Variants in EBF1 observed in about 807,000 individuals in gnomAD.
The protein encoded by EBF1 is transcription factor COE1.
A neutral mutation model predicts 68.4 loss-of-function variants in EBF1; 10 were observed. That is an observed-to-expected ratio of 0.15 (90% CI 0.09 to 0.25). EBF1 has a LOEUF of 0.25. EBF1 is among the 10% of genes least tolerant of loss of function. EBF1 has a pLI of 1.00. For missense variants in EBF1, 509 were observed against 794.4 expected (o/e 0.64, Z 4.32); for synonymous variants, 298 against 299.8 (o/e 0.99, Z 0.06).
intron 6 of EBF1, among the ~76,000 whole-genome samples, chr5:158,997,811 T>G (rs1246882144): frequency 6.6e-6 from 1 of 152,162 alleles, no homozygotes; most frequent in Admixed American, 6.5e-5. Context: ...AGGCTCTCCC[T>G]CTACTCCTTA....
intron 6 of EBF1, among the ~76,000 whole-genome samples, chr5:159,070,700 C>T (rs961665957): frequency 1.9e-4 from 29 of 152,280 alleles, no homozygotes; most frequent in Non-Finnish European, 3.7e-4. Flanking sequence ...AAGTTGACTG[C>T]GTGTTAAAAC....
intron 6 of EBF1, among the ~76,000 whole-genome samples, chr5:159,016,526 G>T (rs1483150165): frequency 1.3e-5 from 2 of 152,180 alleles, no homozygotes; most frequent in Non-Finnish European, 2.9e-5. Context: ...TTAGGTGCTT[G>T]CTCTTTTTCA....
At chr5:158,763,448 A>T (rs1269939875) in intron 10 of EBF1, among the ~76,000 whole-genome samples, 1 of 152,172 alleles carries the variant, frequency 6.6e-6, no homozygotes, top group Non-Finnish European at 1.5e-5. Context: ...CTTCACCCAC[A>T]GTGAAAATGG....
chr5:158,952,934 T>C (rs544199915), intron 6 of EBF1, among the ~76,000 whole-genome samples: 40 of 152,212 alleles, frequency 2.6e-4, no homozygotes, highest in African/African-American at 9.4e-4. Context: ...TGCACCAAAG[T>C]ACCTTTTTTT....
At chr5:158,742,723 T>C (rs1384601534) in intron 10 of EBF1, among the ~76,000 whole-genome samples, 2 of 152,148 alleles carry the variant, frequency 1.3e-5, no homozygotes, top group Non-Finnish European at 2.9e-5. Context: ...ATCTCCTTTA[T>C]GCTAACTTGG....
At chr5:158,987,320 T>G (rs1026980952) in intron 6 of EBF1, 12 of 152,220 alleles carry the variant, frequency 7.9e-5, no homozygotes, top group African/African-American at 2.7e-4. Flanking sequence ...AAACCCCAGA[T>G]AAGTTGCACC....
chr5:158,826,490 T>C (rs1193377178), intron 7 of EBF1, among the ~76,000 whole-genome samples: 4 of 152,248 alleles, frequency 2.6e-5, no homozygotes, highest in African/African-American at 9.6e-5. Context: ...GGCACTGCTC[T>C]AGAATGGTTT....
intron 6 of EBF1, among the ~76,000 whole-genome samples, chr5:158,920,989 T>C (rs562753152): frequency 6.6e-6 from 1 of 152,234 alleles, no homozygotes; most frequent in African/African-American, 2.4e-5. Flanking sequence ...TGGGTACATA[T>C]CTTCATCTGT....
At chr5:158,952,030 A>T (rs760161042) in intron 6 of EBF1, among the ~76,000 whole-genome samples, 1 of 152,220 alleles carries the variant, frequency 6.6e-6, no homozygotes, top group Non-Finnish European at 1.5e-5. Flanking sequence ...CTGAAAGTCC[A>T]GGATGGCTTT....
Position 158,738,775 on chromosome 5 carries a change from G to A in EBF1, c.1037-7618C>T, listed in dbSNP as rs575513950. Among the ~76,000 whole-genome samples the A allele has an allele frequency of 1.6e-4, 25 of 152,284 alleles. No individual in the cohort carries two copies. The South Asian group carries it at 5.0e-3, about 30-fold the overall frequency. On this transcript the variant is annotated intron_variant, in intron 10 of 15. Transcript: ENST00000313708. ...TATTATTCCAAGATGACTATTTTAT[G>A]TTAATATTGATGAACCTCAATTTGC...
intron 6 of EBF1, among the ~76,000 whole-genome samples, chr5:158,842,960 A>T (rs1156401940): frequency 6.6e-6 from 1 of 152,226 alleles, no homozygotes; most frequent in African/African-American, 2.4e-5. Flanking sequence ...TAATGACAGA[A>T]GTAGTGCAGT....
chr5:159,087,395 CAT>C lies in EBF1; in HGVS notation c.412-2658_412-2657del, dbSNP rs545358552. Among the ~76,000 whole-genome samples the C allele has an allele frequency of 2.2e-3, 309 of 141,470 alleles. 1 individual carries two copies. The highest frequency in any genetic ancestry group is 7.4e-3 in the African/African-American group (274 of 36,968). 92.8% of individuals were successfully genotyped at this position (141,470 alleles called of 152,430 possible). A position where few individuals can be genotyped will look rare whatever the true frequency, so the allele number is the denominator to read the frequency against. ...ACACATATATATACACATATATATA[CAT>C]ATATATACACACACATATATACATA... On this transcript the variant is annotated intron_variant, in intron 4 of 15. Coordinates refer to ENST00000313708, the MANE Select transcript of EBF1 (RefSeq NM_024007.5).
intron 10 of EBF1, among the ~76,000 whole-genome samples, chr5:158,747,897 G>C (rs1175391128): frequency 6.6e-6 from 1 of 152,212 alleles, no homozygotes; most frequent in Non-Finnish European, 1.5e-5. Flanking sequence ...ATAGAGGGGT[G>C]ACGGATCTTG....
chr5:159,065,383 G>C (rs1001433139), intron 6 of EBF1, among the ~76,000 whole-genome samples: 7 of 152,092 alleles, frequency 4.6e-5, no homozygotes, highest in African/African-American at 1.7e-4. Context: ...CGGCACTGGC[G>C]GGGAGCAGCA....
intron 6 of EBF1, among the ~76,000 whole-genome samples, chr5:158,948,869 G>A (rs763648713): frequency 2.0e-5 from 3 of 151,746 alleles, no homozygotes; most frequent in African/African-American, 4.8e-5. Context: ...CCTGCCTCCC[G>A]CCCCTCAGTT....
At chr5:159,033,365 A>G (rs1261292739) in intron 6 of EBF1, among the ~76,000 whole-genome samples, 1 of 152,226 alleles carries the variant, frequency 6.6e-6, no homozygotes, top group Non-Finnish European at 1.5e-5. Context: ...ACTCAAATGA[A>G]TGTTTTTTTC....
intron 6 of EBF1, among the ~76,000 whole-genome samples, chr5:158,870,703 A>C (rs879521697): frequency 6.6e-6 from 1 of 152,138 alleles, no homozygotes; most frequent in Non-Finnish European, 1.5e-5. Flanking sequence ...AAAAAGAATG[A>C]GAAATCTGAG....
intron 6 of EBF1, among the ~76,000 whole-genome samples, chr5:158,896,379 C>T (rs1339095231): frequency 1.3e-5 from 2 of 152,108 alleles, no homozygotes; most frequent in Non-Finnish European, 2.9e-5. Flanking sequence ...CCTTTATACA[C>T]GTTTCTGAAA....
chr5:158,975,039 C>T (rs1246538719), intron 6 of EBF1, among the ~76,000 whole-genome samples: 1 of 152,160 alleles, frequency 6.6e-6, no homozygotes, highest in Admixed American at 6.5e-5. Flanking sequence ...TGTTCAAAGA[C>T]CCCATCAGCT....
Sources: gnomAD v4.1 joint callset for allele counts (sites outside exome capture counted in the v4.1 genomes callset) on GRCh38, gnomAD v4.1.1 for gene constraint, MANE v1.5 for transcripts, NCBI Gene and HGNC (gene_info 2026-07-23, HGNC 2026-07-21) for gene names.